AGBL4: variants seen among roughly 807,000 people sequenced by gnomAD.
AGBL4 encodes the protein AGBL carboxypeptidase 4.
In AGBL4, 58 loss-of-function variants were observed where a neutral mutation model predicts 66.4. The ratio of observed to expected loss-of-function variants is 0.87; its 90% CI spans 0.71 to 1.09. AGBL4 has a LOEUF of 1.09. Among genes scored for constraint, AGBL4 ranks in the 50% least tolerant of loss-of-function variants. AGBL4 has a pLI of 0.00. For synonymous variants in AGBL4, 234 were observed against 222.9 expected (o/e 1.05, Z -0.44); for missense variants, 579 against 631.0 (o/e 0.92, Z 0.88).
intron 6 of AGBL4, among the ~76,000 whole-genome samples, chr1:48,837,738 T>TAC (rs1320051936): frequency 7.4e-6 from 1 of 135,532 alleles, no homozygotes; most frequent in Non-Finnish European, 1.6e-5. Flanking sequence ...TATATATATA[T>TAC]ATATCCTGTT....
intron 6 of AGBL4, among the ~76,000 whole-genome samples, chr1:48,823,983 G>A (rs1194889618): frequency 6.6e-6 from 1 of 152,156 alleles, no homozygotes; most frequent in African/African-American, 2.4e-5. Context: ...GTGTGTGTGT[G>A]TGTGTATATG....
At chr1:49,525,057 A>G (rs1650551808) in intron 3 of AGBL4, among the ~76,000 whole-genome samples, 1 of 152,052 alleles carries the variant, frequency 6.6e-6, no homozygotes, top group South Asian at 2.1e-4. Flanking sequence ...AATAATATGT[A>G]CCTTGCAAGG....
chr1:49,411,129 G>A lies in AGBL4; in HGVS notation c.283-165265C>T, dbSNP rs186288733. Among the ~76,000 whole-genome samples the A allele has an allele frequency of 2.6e-5, 4 of 152,336 alleles. No individual in the cohort carries two copies. The East Asian group carries it at 7.7e-4, about 29-fold the overall frequency. On this transcript the variant is annotated intron_variant, in intron 3 of 13. Coordinates refer to ENST00000371839, the MANE Select transcript of AGBL4 (RefSeq NM_032785.4). ...GTCCAAAAGCCTCAGAAGTAGGGAA[G>A]TCAACAGTGCAGCCTTCAGTCTGTG...
At chr1:49,160,204 A>T (rs913973917) in intron 4 of AGBL4, among the ~76,000 whole-genome samples, 1 of 152,084 alleles carries the variant, frequency 6.6e-6, no homozygotes, top group Non-Finnish European at 1.5e-5. Flanking sequence ...TCACGGATTT[A>T]TCTACCTGGA....
intron 5 of AGBL4, among the ~76,000 whole-genome samples, chr1:48,936,128 G>T (rs12404829): frequency 5.3e-5 from 8 of 151,642 alleles, no homozygotes; most frequent in Non-Finnish European, 1.0e-4. Flanking sequence ...CTCTACAAAA[G>T]ATTTTTAAAA....
intron 2 of AGBL4, among the ~76,000 whole-genome samples, chr1:49,796,072 C>T (rs1644722763): frequency 6.6e-6 from 1 of 151,642 alleles, no homozygotes; most frequent in African/African-American, 2.4e-5. Context: ...CTCAAATATA[C>T]CACCAGAAAA....
chr1:49,616,403 A>G (rs960755957), intron 3 of AGBL4, among the ~76,000 whole-genome samples: 5 of 152,126 alleles, frequency 3.3e-5, no homozygotes, highest in African/African-American at 1.2e-4. Flanking sequence ...CTCTGGCTTT[A>G]CTGGCTGCTC....
At chr1:49,458,559 G>T (rs966506594) in intron 3 of AGBL4, among the ~76,000 whole-genome samples, 1 of 151,646 alleles carries the variant, frequency 6.6e-6, no homozygotes, top group Non-Finnish European at 1.5e-5. Context: ...TCTCTTGTGT[G>T]ATTGCTCTGA....
intron 6 of AGBL4, among the ~76,000 whole-genome samples, chr1:48,678,601 T>C (rs759125792): frequency 3.3e-5 from 5 of 152,236 alleles, no homozygotes; most frequent in African/African-American, 4.8e-5. Context: ...TATGTGAATG[T>C]TGAAGTGGAT....
chr1:49,721,065 G>C (rs1183156625), intron 2 of AGBL4, among the ~76,000 whole-genome samples: 1 of 152,106 alleles, frequency 6.6e-6, no homozygotes, highest in Non-Finnish European at 1.5e-5. Context: ...TAGCTAGCAA[G>C]GGGATTGTAA....
intron 5 of AGBL4, among the ~76,000 whole-genome samples, chr1:49,037,140 T>C (rs1466230307): frequency 6.6e-6 from 1 of 152,130 alleles, no homozygotes; most frequent in African/African-American, 2.4e-5. Context: ...GATTAATATA[T>C]TTGCTAAGTT....
chr1:49,353,201 T>C (rs924644563), intron 3 of AGBL4, among the ~76,000 whole-genome samples: 5 of 152,212 alleles, frequency 3.3e-5, no homozygotes, highest in Admixed American at 6.5e-5. Flanking sequence ...TAAAACACTG[T>C]ATGTCCTTGG....
At chr1:49,086,174 C>T (rs1336618350) in intron 4 of AGBL4, among the ~76,000 whole-genome samples, 1 of 151,960 alleles carries the variant, frequency 6.6e-6, no homozygotes, top group East Asian at 1.9e-4. Context: ...AGCTTCTAGC[C>T]CACTGGTCCT....
chr1:49,119,385 C>T (rs142561344), intron 4 of AGBL4, among the ~76,000 whole-genome samples: 1,819 of 152,258 alleles, frequency 0.012, 29 homozygotes, highest in African/African-American at 0.042. Context: ...TCCAGAGATT[C>T]TGGTACATTG....
intron 2 of AGBL4, among the ~76,000 whole-genome samples, chr1:49,743,846 C>T (rs1478156970): frequency 3.6e-5 from 5 of 139,334 alleles, no homozygotes; most frequent in African/African-American, 1.1e-4. Flanking sequence ...TAGGTAGGAA[C>T]TGAACAATGA....
Position 48,962,613 on chromosome 1 carries a change from T to C in AGBL4, c.594+82971A>G, listed in dbSNP as rs562188439. 3.3e-5 allele frequency among the ~76,000 whole-genome samples: 5 copies of C among 152,306 alleles called. No homozygotes were observed. The South Asian group carries it at 1.0e-3, about 32-fold the overall frequency. ...TGGGGTCCTGCCATGCTCCCAGAAG[T>C]TGTATAAGACCTGGATTATTCGGGC... On this transcript the variant is annotated intron_variant, in intron 5 of 13. Coordinates refer to ENST00000371839, the MANE Select transcript of AGBL4 (RefSeq NM_032785.4).
intron 4 of AGBL4, among the ~76,000 whole-genome samples, chr1:49,158,236 A>G (rs2148133983): frequency 6.6e-6 from 1 of 152,284 alleles, no homozygotes; most frequent in Non-Finnish European, 1.5e-5. Context: ...CTAGAAGAAA[A>G]CCTAGGCAAT....
chr1:49,290,566 A>G (rs1439131367), intron 3 of AGBL4, among the ~76,000 whole-genome samples: 2 of 152,100 alleles, frequency 1.3e-5, no homozygotes, highest in Admixed American at 1.3e-4. Flanking sequence ...AAGGATTTGG[A>G]AAAAAAATAT....
chr1:48,647,486 G>A (rs1645855876), intron 8 of AGBL4: 6 of 316,396 alleles, frequency 1.9e-5, no homozygotes, highest in South Asian at 1.5e-4. Flanking sequence ...TTATTCTGAG[G>A]CTGTACCTGG....
Sources: gnomAD v4.1 joint callset for allele counts (sites outside exome capture counted in the v4.1 genomes callset) on GRCh38, gnomAD v4.1.1 for gene constraint, MANE v1.5 for transcripts, NCBI Gene and HGNC (gene_info 2026-07-23, HGNC 2026-07-21) for gene names.